The following CHD8 variants were observed in gnomAD, a reference collection of about 807,000 sequenced individuals.
CHD8 encodes the protein ATP-dependent chromatin remodeler CHD8.
In CHD8, 31 loss-of-function variants were observed where a neutral mutation model predicts 279.2. That is an observed-to-expected ratio of 0.11 (90% CI 0.08 to 0.15). The LOEUF is 0.15. Among genes scored for constraint, CHD8 ranks in the 10% least tolerant of loss-of-function variants. CHD8 has a pLI of 1.00. For missense variants in CHD8, 2,146 were observed against 3,230.5 expected (o/e 0.66, Z 8.14); for synonymous variants, 1,081 against 1,139.6 (o/e 0.95, Z 1.04).
intron 1 of CHD8, among the ~76,000 whole-genome samples, chr14:21,438,512 TAAAAAA>T (rs559681631): frequency 8.9e-6 from 1 of 112,508 alleles, no homozygotes; most frequent in African/African-American, 3.5e-5. Context: ...CCTAGTCTCT[TAAAAAA>T]AAAAAAAAAA....
rs1889451819 is a variant in CHD8 at position 21,429,087 on chromosome 14, G to C, written c.1092C>G (p.Pro364=). The change falls in exon 3 of 38, where the codon CCC becomes CCG. Residue 364 remains proline (P), a synonymous_variant. Coordinates refer to ENST00000646647, the MANE Select transcript of CHD8 (RefSeq NM_001170629.2). The part of the protein sequence containing the change: ...VPQPPSSQPQ[P]QQPPSTQPVT... ...CTGGCTGGGTGGAGGGTGGCTGCTG[G>C]GGCTGTGGCTGCGATGATGGTGGTT... 1 of 1,613,996 alleles carries C rather than the reference G, an allele frequency of 6.2e-7. No homozygotes were observed. The highest frequency in any genetic ancestry group is 8.5e-7 in the Non-Finnish European group (1 of 1,179,896).
chr14:21,417,896 TAC>T (rs1224836401), intron 5 of CHD8, among the ~76,000 whole-genome samples: 16 of 144,558 alleles, frequency 1.1e-4, no homozygotes, highest in African/African-American at 3.0e-4. Flanking sequence ...TATATATATA[TAC>T]ACACACACAC....
At position 21,431,009 on chromosome 14, in the gene CHD8, C is replaced by T. The variant is rs771587494; in HGVS notation, c.635G>A (p.Arg212Gln). The T allele has an allele frequency of 6.9e-6, 11 of 1,599,334 alleles. No homozygotes were observed. Among genetic ancestry groups the T allele is most frequent in the Admixed American group, 3.3e-5 (2 of 59,972 alleles). Residue 212 changes from arginine to glutamine, a missense_variant, in exon 2 of 38, where the codon CGA becomes CAA. Arg to Gln is a conservative substitution (Grantham distance 43). Transcript: ENST00000646647. Reference protein sequence around the residue: ...FTKVLTGTPLRPGVSIVSGNT... With the variant: ...FTKVLTGTPLQPGVSIVSGNT... ...ACCAGAGACAATGGAAACACCTGGT[C>T]GAAGGGGTGTGCCGGTTAGCACTTT...
rs1889456899 is a variant in CHD8 at position 21,429,213 on chromosome 14, T to C, written c.966A>G (p.Ala322=). 1 of 1,613,898 alleles carries C rather than the reference T, an allele frequency of 6.2e-7. No individual in the cohort carries two copies. Among genetic ancestry groups the C allele is most frequent in the Admixed American group, 1.7e-5 (1 of 60,010 alleles). The change falls in exon 3 of 38, where the codon GCA becomes GCG. Residue 322 remains alanine, a synonymous_variant. Transcript: ENST00000646647. ...GGGCATTCTTGGCTTGAGTCAGGGC[T>C]GCCAGCTGGTTGCCCTGTAACACTA... ...GKIVLQGNQL[A]ALTQAKNAQG...
At chr14:21,455,709 G>A (rs1339997270) in intron 1 of CHD8, among the ~76,000 whole-genome samples, 1 of 147,078 alleles carries the variant, frequency 6.8e-6, no homozygotes, top group African/African-American at 2.5e-5. Flanking sequence ...CTGAAGAGAG[G>A]AGAACAAGGC....
intron 1 of CHD8, among the ~76,000 whole-genome samples, chr14:21,453,181 G>A (rs1223803844): frequency 2.0e-5 from 3 of 151,390 alleles, no homozygotes; most frequent in Non-Finnish European, 4.4e-5. Flanking sequence ...TTGGGTGCTA[G>A]GTACCAAAGA....
chr14:21,396,028 ACT>A, intron 27 of CHD8, 136 bp from the exon 28 acceptor site: 4 of 667,412 alleles, frequency 6.0e-6, no homozygotes, highest in South Asian at 3.6e-5. Flanking sequence ...GACAGGTCTC[ACT>A]CTGTCGCCCA....
chr14:21,434,889 C>T (rs1466205913), intron 1 of CHD8, among the ~76,000 whole-genome samples: 5 of 152,112 alleles, frequency 3.3e-5, no homozygotes, highest in East Asian at 1.9e-4. Context: ...TATCCACATA[C>T]GGCCTATTTA....
intron 1 of CHD8, among the ~76,000 whole-genome samples, chr14:21,446,047 C>T (rs188333678): frequency 6.6e-6 from 1 of 151,788 alleles, no homozygotes; most frequent in East Asian, 2.0e-4. Flanking sequence ...CAAAAATTAG[C>T]CAGGTGCGGT....
chr14:21,399,047 G>T, intron 26 of CHD8: 1 of 389,710 alleles, frequency 2.6e-6, no homozygotes. Context: ...CTGACCAGCA[G>T]CATCTGATAT....
In CHD8 at chr14:21,393,993, T is replaced by C; in HGVS notation, c.5802A>G (p.Leu1934=). The change falls in exon 32 of 38, where the codon CTA becomes CTG. Residue 1934 remains leucine (L), a synonymous_variant. Coordinates refer to ENST00000646647, the MANE Select transcript of CHD8 (RefSeq NM_001170629.2). ...TCACCCCATGGCGGGCTGCCCCTCT[T>C]AGAAGCTCCCCATCATGCCGAACAG... The part of the protein sequence containing the change: ...WEPVRHDGEL[L]RGAARHGVSQ... The C allele has an allele frequency of 6.2e-7, 1 of 1,613,914 alleles. No individual in the cohort carries two copies. Among genetic ancestry groups the C allele is most frequent in the African/African-American group, 1.3e-5 (1 of 75,034 alleles).
chr14:21,423,293 C>T (rs912049784), intron 5 of CHD8, among the ~76,000 whole-genome samples: 9 of 152,086 alleles, frequency 5.9e-5, no homozygotes, highest in Non-Finnish European at 1.3e-4. Flanking sequence ...ATCAAGGTGC[C>T]CATATTTGGC....
In CHD8 at chr14:21,456,111, A is replaced by G. The variant is rs1890384182; in HGVS notation, c.-295T>C. ...AGAACAAGGCGCCTTCCGGCGGAGC[A>G]TGGCCAGCCCTCGCCTCAATCTAGC... On this transcript the variant is annotated 5_prime_UTR_variant, in exon 1 of 38. The change abolishes an upstream ATG in the 5' untranslated region. Transcript: ENST00000646647. 2 of 152,036 alleles carry G rather than the reference A, an allele frequency of 1.3e-5. No individual in the cohort carries two copies. Among genetic ancestry groups the G allele is most frequent in the East Asian group, 1.9e-4 (1 of 5,158 alleles). The allele number at this position is 152,036 out of a possible 1,614,324, so 9.4% of individuals were successfully genotyped here.
rs546219115 is a variant in CHD8 at position 21,433,434 on chromosome 14, T to C, written c.-215-1576A>G. On this transcript the variant is annotated intron_variant, in intron 1 of 37. Transcript: ENST00000646647. ...TGTATATGATGACAGTATTTGACAA[T>C]ACAGGAAAGTCTTGCTTGGTAAGAC... Among the ~76,000 whole-genome samples, 4 of 152,282 alleles carry C rather than the reference T, an allele frequency of 2.6e-5. No individual in the cohort carries two copies. The South Asian group carries it at 8.3e-4, about 32-fold the overall frequency.
At chr14:21,432,787 T>C (rs1321291648) in intron 1 of CHD8, among the ~76,000 whole-genome samples, 2 of 152,222 alleles carry the variant, frequency 1.3e-5, no homozygotes, top group East Asian at 1.9e-4. Context: ...TTGTGATGAC[T>C]TGATCCCTCC....
chr14:21,406,841 C>A lies in CHD8; in HGVS notation c.2907+15G>T. 4 of 1,598,078 alleles carry A rather than the reference C, an allele frequency of 2.5e-6. No homozygotes were observed. The highest frequency in any genetic ancestry group is 3.4e-6 in the Non-Finnish European group (4 of 1,172,724). On this transcript the variant is annotated intron_variant, in intron 14 of 37. Transcript: ENST00000646647. Reference sequence around the variant, plus strand: ...ATTCCAGGTGTTTCTGCTCACAAGTCAGTGTGGAACTCACCAGGTCCATGT... The same window carrying A: ...ATTCCAGGTGTTTCTGCTCACAAGTAAGTGTGGAACTCACCAGGTCCATGT...
At chr14:21,437,282 C>T (rs1253337181) in intron 1 of CHD8, 2 of 1,139,188 alleles carry the variant, frequency 1.8e-6, no homozygotes, top group Non-Finnish European at 2.2e-6. Flanking sequence ...ACCTGATGCT[C>T]CTGCCCGCCC....
Position 21,394,073 on chromosome 14 carries a change from C to T in CHD8, c.5722G>A (p.Asp1908Asn). 6.2e-7 allele frequency: 1 copy of T among 1,613,934 alleles called. No homozygotes were observed. Among genetic ancestry groups the T allele is most frequent in the Non-Finnish European group, 8.5e-7 (1 of 1,179,868 alleles). The change falls in exon 32 of 38, where the codon GAT (aspartate) becomes AAT (asparagine). Residue 1908 changes from aspartate (D) to asparagine (N), a missense_variant. Around this residue, in one of 26 missense-constraint regions of CHD8, gnomAD observed 513 missense variants for 637.6 expected, o/e 0.80. Coordinates refer to ENST00000646647, the MANE Select transcript of CHD8 (RefSeq NM_001170629.2). Reference protein sequence around the residue: ...EQVLCHPLLEDRLALCQPPGP... With the variant: ...EQVLCHPLLENRLALCQPPGP... ...GGAGGCTGACACAATGCCAGCCGAT[C>T]TTCCAAAAGGGGGTGGCATAAAACT...
At chr14:21,447,747 A>ATT (rs140671064) in intron 1 of CHD8, among the ~76,000 whole-genome samples, 2 of 149,634 alleles carry the variant, frequency 1.3e-5, no homozygotes, top group Non-Finnish European at 3.0e-5. Flanking sequence ...CTCATTGTAG[A>ATT]TTTTTTTTTT....
Sources: gnomAD v4.1 joint callset for allele counts (sites outside exome capture counted in the v4.1 genomes callset) on GRCh38, gnomAD v4.1.1 for gene constraint, gnomAD v4.1.1 regional missense constraint, MANE v1.5 for transcripts, NCBI Gene and HGNC (gene_info 2026-07-23, HGNC 2026-07-21) for gene names.